TBL1XR1: variants seen among roughly 807,000 people sequenced by gnomAD.
The protein encoded by TBL1XR1 is F-box-like/WD repeat-containing protein TBL1XR1.
Under a neutral mutation model 66.9 loss-of-function variants are expected in TBL1XR1, and 5 were observed. The observed-to-expected ratio is 0.07, with a 90% CI of 0.04 to 0.16. The LOEUF is 0.16. Ranked by LOEUF, TBL1XR1 falls within the 10% of genes least tolerant of loss-of-function variation. The probability of loss-of-function intolerance (pLI) is 1.00; values close to 1 mark genes in which losing one functional copy is unlikely to be tolerated. For missense variants in TBL1XR1, 238 were observed against 623.2 expected (o/e 0.38, Z 6.58); for synonymous variants, 210 against 206.0 (o/e 1.02, Z -0.17).
chr3:177,048,886 T>A (rs1207879405), intron 7 of TBL1XR1, among the ~76,000 whole-genome samples: 1 of 152,232 alleles, frequency 6.6e-6, no homozygotes, highest in Non-Finnish European at 1.5e-5. Context: ...ATAAATTTCA[T>A]TAACATGGCC....
At chr3:177,111,211 G>T (rs1438563227) in intron 1 of TBL1XR1, among the ~76,000 whole-genome samples, 3 of 151,376 alleles carry the variant, frequency 2.0e-5, no homozygotes, top group Non-Finnish European at 4.4e-5. Flanking sequence ...ATCCACAAAC[G>T]ATACAAAAGT....
chr3:177,088,442 C>A (rs1186071714), intron 2 of TBL1XR1, among the ~76,000 whole-genome samples: 4 of 152,156 alleles, frequency 2.6e-5, no homozygotes, highest in Admixed American at 2.6e-4. Flanking sequence ...CCCAAGATAT[C>A]TCATTATAGA....
chr3:177,049,872 G>T, intron 7 of TBL1XR1, 125 bp downstream of exon 7: 1 of 1,024,390 alleles, frequency 9.8e-7, no homozygotes, highest in Non-Finnish European at 1.4e-6. Flanking sequence ...ACGACTCCCG[G>T]TTTGTTGTTA....
intron 1 of TBL1XR1, among the ~76,000 whole-genome samples, chr3:177,161,957 T>C (rs1732263293): frequency 6.6e-6 from 1 of 152,096 alleles, no homozygotes; most frequent in Non-Finnish European, 1.5e-5. Flanking sequence ...ACTAAAAATA[T>C]TAAGTGTTGA....
At chr3:177,164,141 A>G (rs1421291436) in intron 1 of TBL1XR1, 1 of 152,224 alleles carries the variant, frequency 6.6e-6, no homozygotes, top group African/African-American at 2.4e-5. Context: ...AACAACTAAC[A>G]TAACATTTCA....
chr3:177,177,294 A>G lies in TBL1XR1; in HGVS notation c.-122+19827T>C, dbSNP rs571942710. Among the ~76,000 whole-genome samples, 4 of 152,250 alleles carry G rather than the reference A, an allele frequency of 2.6e-5. No homozygotes were observed. In the East Asian group the frequency reaches 7.8e-4, roughly 30 times the overall value. ...GTGAAACCCCATCTCTACTAAAAAT[A>G]CAAAAATTAACCGGGTGTGGTGGCG... On this transcript the variant is annotated intron_variant, in intron 1 of 15. Transcript: ENST00000457928.
chr3:177,102,280 A>C (rs1225899797), intron 1 of TBL1XR1, among the ~76,000 whole-genome samples: 1 of 152,232 alleles, frequency 6.6e-6, no homozygotes, highest in Non-Finnish European at 1.5e-5. Flanking sequence ...ATGGTTAAAA[A>C]GTATTTGATT....
intron 1 of TBL1XR1, among the ~76,000 whole-genome samples, chr3:177,187,309 C>T (rs1735542823): frequency 6.8e-6 from 1 of 147,252 alleles, no homozygotes; most frequent in African/African-American, 2.5e-5. Flanking sequence ...CAGGGAGAAT[C>T]GCTTGAACCC....
chr3:177,030,334 G>C (rs1358073284), intron 14 of TBL1XR1, among the ~76,000 whole-genome samples: 10 of 151,254 alleles, frequency 6.6e-5, no homozygotes, highest in Admixed American at 6.6e-4. Flanking sequence ...TAATGCTCTG[G>C]AATAGTCTAA....
chr3:177,108,366 C>G (rs1725134814), intron 1 of TBL1XR1, among the ~76,000 whole-genome samples: 1 of 152,126 alleles, frequency 6.6e-6, no homozygotes, highest in South Asian at 2.1e-4. Context: ...TCTTTAGAAA[C>G]TTAAAAGACA....
intron 2 of TBL1XR1, among the ~76,000 whole-genome samples, chr3:177,078,302 A>G (rs952895937): frequency 2.0e-5 from 3 of 152,152 alleles, no homozygotes; most frequent in African/African-American, 7.2e-5. Context: ...AGCATATAAA[A>G]TATAATTCGG....
intron 2 of TBL1XR1, among the ~76,000 whole-genome samples, chr3:177,069,477 T>C (rs951876970): frequency 2.6e-5 from 4 of 152,014 alleles, no homozygotes; most frequent in African/African-American, 9.7e-5. Context: ...CTTACACTTA[T>C]AATCCCAGCA....
At chr3:177,057,273 A>C (rs1475831027) in intron 3 of TBL1XR1, among the ~76,000 whole-genome samples, 1 of 152,152 alleles carries the variant, frequency 6.6e-6, no homozygotes, top group Non-Finnish European at 1.5e-5. Context: ...ACCAGGGCTA[A>C]CCAGTCTCTC....
chr3:177,071,163 T>G (rs896765857), intron 2 of TBL1XR1, among the ~76,000 whole-genome samples: 3 of 151,504 alleles, frequency 2.0e-5, no homozygotes, highest in Admixed American at 6.6e-5. Context: ...CCCGAGCAGC[T>G]GGGACTATAG....
In TBL1XR1 at chr3:177,170,057, T is replaced by C. The variant is rs141599275; in HGVS notation, c.-122+27064A>G. On this transcript the variant is annotated intron_variant, in intron 1 of 15. Coordinates refer to ENST00000457928, the MANE Select transcript of TBL1XR1 (RefSeq NM_024665.7). The stretch of plus-strand genomic sequence containing the variant: ...TGATGCACACAAATCTGAGAACCAC[T>C]ATTCCACTGTTCCACTGTTCCTAGT... Among the ~76,000 whole-genome samples the C allele has an allele frequency of 3.9e-5, 6 of 152,288 alleles. No individual in the cohort carries two copies. The East Asian group carries it at 1.2e-3, about 29-fold the overall frequency.
chr3:177,089,763 G>A (rs550134124), intron 2 of TBL1XR1, among the ~76,000 whole-genome samples: 43 of 152,294 alleles, frequency 2.8e-4, no homozygotes, highest in African/African-American at 8.7e-4. Flanking sequence ...GGGATTGATC[G>A]ACACAGTTGG....
At chr3:177,032,756 T>C (rs1714183566) in intron 14 of TBL1XR1, 1 of 381,334 alleles carries the variant, frequency 2.6e-6, no homozygotes, top group East Asian at 4.0e-5. Context: ...AACAAAAGAA[T>C]ACAATAATAA....
At chr3:177,160,155 T>C (rs148206811) in intron 1 of TBL1XR1, among the ~76,000 whole-genome samples, 2 of 152,198 alleles carry the variant, frequency 1.3e-5, no homozygotes, top group African/African-American at 4.8e-5. Flanking sequence ...GAGGCCTTGT[T>C]TAGCTGCTTT....
intron 1 of TBL1XR1, among the ~76,000 whole-genome samples, chr3:177,158,606 A>G (rs886812171): frequency 1.3e-5 from 2 of 152,152 alleles, no homozygotes; most frequent in East Asian, 3.8e-4. Flanking sequence ...TTCATATTAT[A>G]TATTAGACCC....
Sources: allele counts gnomAD v4.1 joint callset (sites outside exome capture counted in the v4.1 genomes callset), GRCh38; gene constraint gnomAD v4.1.1; transcripts MANE v1.5; gene names NCBI Gene and HGNC (gene_info 2026-07-23, HGNC 2026-07-21).